The following DENND1A variants were observed in gnomAD, a reference collection of about 807,000 sequenced individuals.
DENND1A encodes the protein DENN domain-containing protein 1A.
DENND1A carries 51 observed loss-of-function variants against 113.7 expected under a neutral mutation model. The ratio of observed to expected loss-of-function variants is 0.45; its 90% confidence interval spans 0.36 to 0.57. The LOEUF is 0.57. Among genes scored for constraint, DENND1A ranks in the 20% least tolerant of loss-of-function variants. The probability of loss-of-function intolerance (pLI) is 0.00; values close to 1 mark genes in which losing one functional copy is unlikely to be tolerated. For missense variants in DENND1A, 1,258 were observed against 1,395.9 expected, an observed-to-expected ratio of 0.90 and a Z score of 1.57; for synonymous variants, 565 against 570.8, an observed-to-expected ratio of 0.99 and a Z score of 0.14.
chr9:123,553,425 C>T (rs1039627083), intron 13 of DENND1A, among the ~76,000 whole-genome samples: 8 of 151,736 alleles, frequency 5.3e-5, no homozygotes, highest in African/African-American at 1.2e-4. Context: ...CTCATCCCTC[C>T]GTGATTCTGA....
At chr9:123,722,475 T>C (rs979404141) in intron 5 of DENND1A, among the ~76,000 whole-genome samples, 14 of 152,190 alleles carry the variant, frequency 9.2e-5, no homozygotes, top group Non-Finnish European at 1.8e-4. Context: ...CTCCAAGGCA[T>C]GTCAGAGACC....
At chr9:123,708,766 A>G (rs74939086) in intron 5 of DENND1A, among the ~76,000 whole-genome samples, 11,884 of 152,188 alleles carry the variant, frequency 0.078, 513 homozygotes, top group Admixed American at 0.11. Flanking sequence ...AATTTTTAAA[A>G]ACAAAAAAAG....
At chr9:123,851,055 G>A (rs954504137) in intron 2 of DENND1A, among the ~76,000 whole-genome samples, 2 of 151,890 alleles carry the variant, frequency 1.3e-5, no homozygotes, top group African/African-American at 4.8e-5. Context: ...AAAAAAATAA[G>A]AAAACACAAG....
At chr9:123,553,561 AT>A (rs1444507512) in intron 13 of DENND1A, among the ~76,000 whole-genome samples, 2 of 152,224 alleles carry the variant, frequency 1.3e-5, no homozygotes, top group African/African-American at 2.4e-5. Flanking sequence ...GGCAAAAAAA[AT>A]ATTAATAACT....
intron 10 of DENND1A, among the ~76,000 whole-genome samples, chr9:123,620,058 C>A (rs1168030362): frequency 6.6e-6 from 1 of 151,126 alleles, no homozygotes; most frequent in African/African-American, 2.4e-5. Flanking sequence ...ACTAAAAATA[C>A]AAAAAATTAG....
intron 9 of DENND1A, among the ~76,000 whole-genome samples, chr9:123,633,653 G>A (rs1206378246): frequency 6.6e-6 from 1 of 152,160 alleles, no homozygotes; most frequent in Non-Finnish European, 1.5e-5. Context: ...GCACATGCCT[G>A]TAGTCCCAGC....
rs540590384 is a variant in DENND1A at position 123,703,766 on chromosome 9, T to C, written c.303-26977A>G. ...AAAATTCTAGGAAAGATAAAGTTAA[T>C]TGACAATGAAAGAAAACAGATTTGT... On this transcript the variant is annotated intron_variant, in intron 5 of 23. Coordinates refer to ENST00000394215, the MANE Select transcript of DENND1A (RefSeq NM_001352964.2). 3.3e-5 allele frequency among the ~76,000 whole-genome samples: 5 copies of C among 152,194 alleles called. No homozygotes were observed. The East Asian group carries it at 9.7e-4, about 29-fold the overall frequency.
intron 13 of DENND1A, among the ~76,000 whole-genome samples, chr9:123,512,226 A>G (rs901273087): frequency 6.6e-6 from 1 of 152,212 alleles, no homozygotes; most frequent in Non-Finnish European, 1.5e-5. Flanking sequence ...CTCACTGTGG[A>G]GCCCTCTCCT....
At chr9:123,760,412 T>G (rs1419316212) in intron 4 of DENND1A, among the ~76,000 whole-genome samples, 1 of 152,178 alleles carries the variant, frequency 6.6e-6, no homozygotes, top group African/African-American at 2.4e-5. Context: ...CTCCATCTCT[T>G]AGAGAGTGGT....
At chr9:123,419,039 G>C (rs2044998407) in intron 19 of DENND1A, among the ~76,000 whole-genome samples, 1 of 152,260 alleles carries the variant, frequency 6.6e-6, no homozygotes, top group South Asian at 2.1e-4. Flanking sequence ...TGGGACAGCA[G>C]GGCCACACAG....
intron 13 of DENND1A, among the ~76,000 whole-genome samples, chr9:123,495,433 A>G (rs2051826927): frequency 6.6e-6 from 1 of 152,180 alleles, no homozygotes; most frequent in African/African-American, 2.4e-5. Flanking sequence ...ACCACGAGTC[A>G]AAGGCCCACT....
rs1844412011 is a variant in DENND1A, at chr9:123,857,607, G to C, written c.88+21344C>G. 3.9e-5 allele frequency among the ~76,000 whole-genome samples: 6 copies of C among 152,220 alleles called. No individual in the cohort carries two copies. The South Asian group carries it at 1.2e-3, about 32-fold the overall frequency. Reference sequence around the variant, plus strand: ...TGTATTATGTGATATAACAAGAAAAGCACAGCATCACTTCTATAATATTTC... The same window carrying C: ...TGTATTATGTGATATAACAAGAAAACCACAGCATCACTTCTATAATATTTC... On this transcript the variant is annotated intron_variant, in intron 2 of 23. Transcript: ENST00000394215.
chr9:123,515,693 C>T (rs916141982), intron 13 of DENND1A, among the ~76,000 whole-genome samples: 1 of 152,154 alleles, frequency 6.6e-6, no homozygotes, highest in Non-Finnish European at 1.5e-5. Context: ...ATTAATATAA[C>T]TTAAAGATGA....
intron 2 of DENND1A, among the ~76,000 whole-genome samples, chr9:123,805,117 A>G (rs937988840): frequency 6.6e-6 from 1 of 152,146 alleles, no homozygotes; most frequent in Non-Finnish European, 1.5e-5. Context: ...GGCATGTGCT[A>G]TCAGATTTTA....
chr9:123,581,862 G>A (rs569302105), intron 12 of DENND1A, among the ~76,000 whole-genome samples: 14 of 152,250 alleles, frequency 9.2e-5, no homozygotes, highest in South Asian at 2.1e-4. Context: ...GCAGAGCTAC[G>A]GAGGCCAAAG....
At chr9:123,754,772 G>A (rs1332067015) in intron 5 of DENND1A, among the ~76,000 whole-genome samples, 1 of 152,156 alleles carries the variant, frequency 6.6e-6, no homozygotes, top group Non-Finnish European at 1.5e-5. Flanking sequence ...CATTCTAAAG[G>A]ATGAAAGCAC....
intron 2 of DENND1A, among the ~76,000 whole-genome samples, chr9:123,875,009 T>A (rs1012124419): frequency 6.6e-6 from 1 of 152,220 alleles, no homozygotes; most frequent in African/African-American, 2.4e-5. Flanking sequence ...GTAGAATGGA[T>A]AACTAAATTC....
intron 2 of DENND1A, among the ~76,000 whole-genome samples, chr9:123,838,942 TATC>T (rs1337757129): frequency 2.0e-5 from 3 of 152,192 alleles, no homozygotes; most frequent in Non-Finnish European, 4.4e-5. Flanking sequence ...TTAGGTGTAT[TATC>T]ATCTCCACAA....
chr9:123,817,608 C>A (rs1473796092), intron 2 of DENND1A, among the ~76,000 whole-genome samples: 1 of 152,152 alleles, frequency 6.6e-6, no homozygotes, highest in Non-Finnish European at 1.5e-5. Context: ...TTAAATTTCT[C>A]ATGTTTTCCT....
Sources: gnomAD v4.1 joint callset for allele counts (sites outside exome capture counted in the v4.1 genomes callset) on GRCh38, gnomAD v4.1.1 for gene constraint, MANE v1.5 for transcripts, NCBI Gene and HGNC (gene_info 2026-07-23, HGNC 2026-07-21) for gene names.